TAS2R1: variants seen among roughly 807,000 people sequenced by gnomAD.
TAS2R1 encodes taste 2 receptor member 1.
For missense variants in TAS2R1, 370 were observed against 353.4 expected (o/e 1.05, Z -0.38); for synonymous variants, 141 against 134.2 (o/e 1.05, Z -0.35).
the TAS2R1 span, among the ~76,000 whole-genome samples, chr5:9,795,871 T>C: frequency 6.6e-6 from 1 of 152,174 alleles, no homozygotes; most frequent in Non-Finnish European, 1.5e-5. Flanking sequence ...TATTGTCATT[T>C]TATAGGGAGA....
At chr5:9,890,497 A>G in the TAS2R1 span, among the ~76,000 whole-genome samples, 2 of 151,934 alleles carry the variant, frequency 1.3e-5, no homozygotes, top group African/African-American at 4.8e-5. Context: ...CAGCTTTCCA[A>G]CCCCATTATA....
At position 9,700,201 on chromosome 5, in the gene TAS2R1, T is replaced by A. The variant is rs187861251; in HGVS notation, c.-242+11971A>T. ...CAGGATTCTGAGTAAGTTGATTTTT[T>A]AAAAATGACCCTGATTCAGTATCCA... On this transcript the variant is annotated intron_variant, in intron 1 of 2. Coordinates refer to the TAS2R1 transcript ENST00000506620. Among the ~76,000 whole-genome samples, 618 of 152,304 alleles carry A rather than the reference T, an allele frequency of 4.1e-3. 12 individuals are homozygous for A. The highest frequency in any genetic ancestry group is 0.037 in the Admixed American group (560 of 15,296).
intron 1 of TAS2R1, among the ~76,000 whole-genome samples, chr5:9,670,016 A>G (rs1579776189): frequency 6.6e-6 from 1 of 152,144 alleles, no homozygotes; most frequent in Non-Finnish European, 1.5e-5. Flanking sequence ...AGCTAGAATA[A>G]TTTTAAAAGA....
chr5:9,668,847 A>C (rs1053186040), intron 1 of TAS2R1, among the ~76,000 whole-genome samples: 3 of 152,096 alleles, frequency 2.0e-5, no homozygotes, highest in African/African-American at 7.2e-5. Flanking sequence ...TAAAAAAAAA[A>C]CCACACAATC....
At chr5:9,894,209 C>T in the TAS2R1 span, among the ~76,000 whole-genome samples, 1 of 151,972 alleles carries the variant, frequency 6.6e-6, no homozygotes, top group African/African-American at 2.4e-5. Flanking sequence ...TTGAGACCAG[C>T]CTGGCCAACA....
the TAS2R1 span, among the ~76,000 whole-genome samples, chr5:9,796,767 C>T: frequency 1.4e-5 from 2 of 147,308 alleles, no homozygotes; most frequent in African/African-American, 2.5e-5. Flanking sequence ...GAAAAGTGTT[C>T]TCTGCCAGTG....
At chr5:9,756,067 A>T in the TAS2R1 span, among the ~76,000 whole-genome samples, 2 of 152,218 alleles carry the variant, frequency 1.3e-5, no homozygotes, top group Admixed American at 1.3e-4. Context: ...TTTAAAATGG[A>T]GTTGCTCTGG....
chr5:9,738,064 A>G, the TAS2R1 span, among the ~76,000 whole-genome samples: 4 of 152,184 alleles, frequency 2.6e-5, no homozygotes, highest in Admixed American at 1.3e-4. Context: ...CCGCCCTCAT[A>G]CTTGTCGTTA....
At chr5:9,724,770 A>G in the TAS2R1 span, among the ~76,000 whole-genome samples, 1 of 152,162 alleles carries the variant, frequency 6.6e-6, no homozygotes, top group Non-Finnish European at 1.5e-5. Context: ...ATTCATGTGT[A>G]CCCACTTGGC....
chr5:9,797,569 G>C, the TAS2R1 span, among the ~76,000 whole-genome samples: 1 of 152,146 alleles, frequency 6.6e-6, no homozygotes, highest in African/African-American at 2.4e-5. Flanking sequence ...GAGGAATCAG[G>C]AACAATTAGT....
intron 2 of TAS2R1, among the ~76,000 whole-genome samples, chr5:9,647,262 AC>A (rs1740208646): frequency 6.6e-6 from 1 of 152,200 alleles, no homozygotes; most frequent in Admixed American, 6.5e-5. Flanking sequence ...CTGTACCTTG[AC>A]CCAAGGACTA....
At chr5:9,876,911 G>A in the TAS2R1 span, among the ~76,000 whole-genome samples, 7 of 152,184 alleles carry the variant, frequency 4.6e-5, no homozygotes, top group African/African-American at 1.4e-4. Flanking sequence ...ATTCCAAAGT[G>A]TTTATTCAGG....
At chr5:9,850,662 C>A in the TAS2R1 span, among the ~76,000 whole-genome samples, 275 of 152,368 alleles carry the variant, frequency 1.8e-3, no homozygotes, top group African/African-American at 6.4e-3. Flanking sequence ...GGCAAATGGG[C>A]ATCCTTGAAA....
the TAS2R1 span, among the ~76,000 whole-genome samples, chr5:9,764,622 T>C: frequency 6.6e-6 from 1 of 152,200 alleles, no homozygotes; most frequent in Non-Finnish European, 1.5e-5. Context: ...CATAGAAGCA[T>C]ATATGTAAAC....
the TAS2R1 span, among the ~76,000 whole-genome samples, chr5:9,809,592 C>T: frequency 1.3e-5 from 2 of 152,134 alleles, no homozygotes; most frequent in Non-Finnish European, 2.9e-5. Flanking sequence ...AGAACTGTGA[C>T]AAATAAATGG....
At chr5:9,741,703 G>C in the TAS2R1 span, among the ~76,000 whole-genome samples, 2 of 152,142 alleles carry the variant, frequency 1.3e-5, no homozygotes, top group African/African-American at 4.8e-5. Context: ...CAGTCCTCAA[G>C]TCTGTAAACC....
At chr5:9,882,570 G>A in the TAS2R1 span, among the ~76,000 whole-genome samples, 1 of 152,202 alleles carries the variant, frequency 6.6e-6, no homozygotes, top group Non-Finnish European at 1.5e-5. Context: ...AGGTTGCAGT[G>A]AGCCGAGATC....
chr5:9,647,783 CT>C (rs1366297222), intron 2 of TAS2R1, among the ~76,000 whole-genome samples: 1 of 152,046 alleles, frequency 6.6e-6, no homozygotes, highest in Non-Finnish European at 1.5e-5. Context: ...ATTCACAAAT[CT>C]GAATGTTGTC....
At chr5:9,688,868 G>A (rs1422308818) in intron 1 of TAS2R1, among the ~76,000 whole-genome samples, 2 of 152,156 alleles carry the variant, frequency 1.3e-5, no homozygotes, top group Non-Finnish European at 2.9e-5. Flanking sequence ...CGGGAATGGA[G>A]CAGTGGGAAC....
Sources: gnomAD v4.1 joint callset for allele counts (sites outside exome capture counted in the v4.1 genomes callset) on GRCh38, gnomAD v4.1.1 for gene constraint, MANE v1.5 for transcripts, NCBI Gene and HGNC (gene_info 2026-07-23, HGNC 2026-07-21) for gene names.